Variants in PPARD observed in about 807,000 individuals in gnomAD.
PPARD encodes the protein peroxisome proliferator-activated receptor delta.
Under a neutral mutation model 39.5 loss-of-function variants are expected in PPARD, and 6 were observed. The observed-to-expected ratio is 0.15, with a 90% CI of 0.08 to 0.30. The LOEUF (loss-of-function observed/expected upper bound fraction) is 0.30. PPARD is among the 10% of genes least tolerant of loss of function. The pLI is 1.00. For synonymous variants in PPARD, 210 were observed against 231.3 expected (o/e 0.91, Z 0.83); for missense variants, 397 against 596.8 (o/e 0.67, Z 3.49).
intron 2 of PPARD, among the ~76,000 whole-genome samples, chr6:35,407,451 T>A (rs1244913261): frequency 6.6e-6 from 1 of 151,902 alleles, no homozygotes; most frequent in Non-Finnish European, 1.5e-5. Flanking sequence ...AGGCCTCCCG[T>A]GGCCCCTTCT....
At chr6:35,364,988 C>T (rs531233239) in intron 2 of PPARD, among the ~76,000 whole-genome samples, 10 of 151,352 alleles carry the variant, frequency 6.6e-5, no homozygotes, top group Admixed American at 1.3e-4. Context: ...GGATTACAGG[C>T]GTGAGCCACC....
intron 2 of PPARD, among the ~76,000 whole-genome samples, chr6:35,394,068 A>G (rs530592881): frequency 6.6e-6 from 1 of 152,304 alleles, no homozygotes; most frequent in East Asian, 1.9e-4. Context: ...AACAATTTAA[A>G]CTACAAACAT....
intron 2 of PPARD, among the ~76,000 whole-genome samples, chr6:35,408,712 C>G (rs1490349913): frequency 1.3e-5 from 2 of 152,210 alleles, no homozygotes; most frequent in East Asian, 3.8e-4. Flanking sequence ...AGGGCCAGGT[C>G]TGCCCAATTT....
rs9658141 is a variant in PPARD, at chr6:35,412,220, C to A, written c.130+1003C>A. 6.6e-6 allele frequency among the ~76,000 whole-genome samples: 1 copy of A among 152,140 alleles called. No individual in the cohort carries two copies. The highest frequency in any genetic ancestry group is 1.5e-5 in the Non-Finnish European group (1 of 68,016). ...TGCTGGGATTACAAGCAGGAGCCAC[C>A]GCGCCTGGCCTGATCCCTCTGCTTC... is the stretch of plus-strand genomic sequence containing the variant. On this transcript the variant is annotated intron_variant, in intron 3 of 7. Transcript: ENST00000360694. The surrounding 1 kb of genome is among the most constrained non-coding windows in gnomAD (Gnocchi z 4.1).
intron 2 of PPARD, among the ~76,000 whole-genome samples, chr6:35,352,610 C>T (rs1761332860): frequency 6.6e-6 from 1 of 152,104 alleles, no homozygotes; most frequent in African/African-American, 2.4e-5. Context: ...ATTAACTGGG[C>T]CCAGCTGGGT....
intron 2 of PPARD, among the ~76,000 whole-genome samples, chr6:35,385,899 G>A (rs900012155): frequency 6.6e-6 from 1 of 152,096 alleles, no homozygotes; most frequent in Non-Finnish European, 1.5e-5. Flanking sequence ...AGAACAGAAT[G>A]GGGTGGGGAG....
At chr6:35,348,056 C>G (rs1008786896) in intron 2 of PPARD, among the ~76,000 whole-genome samples, 1 of 150,068 alleles carries the variant, frequency 6.7e-6, no homozygotes, top group Admixed American at 6.7e-5. Context: ...TACAGGCATG[C>G]GCCACCACAT....
chr6:35,378,526 A>T (rs532864336), intron 2 of PPARD, among the ~76,000 whole-genome samples: 1 of 152,324 alleles, frequency 6.6e-6, no homozygotes, highest in South Asian at 2.1e-4. Context: ...TGGTTTCCAG[A>T]CTTAAGAATG....
intron 2 of PPARD, among the ~76,000 whole-genome samples, chr6:35,349,671 T>G (rs1761116770): frequency 6.6e-6 from 1 of 151,282 alleles, no homozygotes; most frequent in Non-Finnish European, 1.5e-5. Flanking sequence ...GCTAAGTTTT[T>G]TTTTTGTTTG....
intron 2 of PPARD, among the ~76,000 whole-genome samples, chr6:35,385,646 TAAA>T (rs66948740): frequency 2.1e-4 from 20 of 96,552 alleles, no homozygotes; most frequent in African/African-American, 4.8e-4. Flanking sequence ...TAAATAAATT[TAAA>T]AAAAAAAAAA....
At chr6:35,361,611 C>T (rs1338037563) in intron 2 of PPARD, among the ~76,000 whole-genome samples, 1 of 152,192 alleles carries the variant, frequency 6.6e-6, no homozygotes, top group African/African-American at 2.4e-5. Flanking sequence ...TTGTGGAGCC[C>T]CACAGGGTAC....
Position 35,425,724 on chromosome 6 carries a change from C to T in PPARD, c.1079-108C>T. 6.7e-7 allele frequency: 1 copy of T among 1,490,414 alleles called. No homozygotes were observed. Among genetic ancestry groups the T allele is most frequent in the Non-Finnish European group, 9.1e-7 (1 of 1,101,548 alleles). The allele number at this position is 1,490,414 out of a possible 1,614,324, so 92.3% of individuals were successfully genotyped here. On this transcript the variant is annotated intron_variant, in intron 7 of 7. Coordinates refer to ENST00000360694, the MANE Select transcript of PPARD (RefSeq NM_006238.5). This position sits in a 1 kb window ranked among gnomAD's most constrained non-coding sequence, Gnocchi z 4.5. ...GCTGATGGGACAGGGCTTGGTCTGTCACGGCCAAGGAGGCCTGCCGTCCCC... is the reference window on the plus strand; with the variant it reads ...GCTGATGGGACAGGGCTTGGTCTGTTACGGCCAAGGAGGCCTGCCGTCCCC...
intron 2 of PPARD, among the ~76,000 whole-genome samples, chr6:35,383,946 T>A (rs1397750933): frequency 1.1e-5 from 1 of 89,242 alleles, no homozygotes; most frequent in East Asian, 3.4e-4. Flanking sequence ...GTGGGGGGGG[T>A]CAGCCCCCCC....
At chr6:35,356,761 G>T (rs1442496647) in intron 2 of PPARD, among the ~76,000 whole-genome samples, 1 of 152,182 alleles carries the variant, frequency 6.6e-6, no homozygotes, top group African/African-American at 2.4e-5. Flanking sequence ...ATCACCCCTG[G>T]TTGAGAGTCA....
chr6:35,425,714 C>A lies in PPARD; in HGVS notation c.1079-118C>A. Reference sequence around the variant, plus strand: ...GTGGAGCATTGCTGATGGGACAGGGCTTGGTCTGTCACGGCCAAGGAGGCC... The same window carrying A: ...GTGGAGCATTGCTGATGGGACAGGGATTGGTCTGTCACGGCCAAGGAGGCC... On this transcript the variant is annotated intron_variant, in intron 7 of 7. Coordinates refer to ENST00000360694, the MANE Select transcript of PPARD (RefSeq NM_006238.5). The surrounding 1 kb of genome is among the most constrained non-coding windows in gnomAD (Gnocchi z 4.5). 7.0e-7 allele frequency: 1 copy of A among 1,424,126 alleles called. No homozygotes were observed. The highest frequency in any genetic ancestry group is 9.6e-7 in the Non-Finnish European group (1 of 1,045,422). 88.2% of individuals were successfully genotyped at this position (1,424,126 alleles called of 1,614,324 possible). A position where few individuals can be genotyped will look rare whatever the true frequency, so the allele number is the denominator to read the frequency against.
At chr6:35,419,932 A>C (rs1167326182) in intron 3 of PPARD, among the ~76,000 whole-genome samples, 195 bp from the exon 4 acceptor site, 1 of 152,122 alleles carries the variant, frequency 6.6e-6, no homozygotes, top group Non-Finnish European at 1.5e-5. Flanking sequence ...AATGCTGTGG[A>C]GACTTTTTGC....
At chr6:35,385,920 G>A (rs1228027584) in intron 2 of PPARD, among the ~76,000 whole-genome samples, 1 of 152,076 alleles carries the variant, frequency 6.6e-6, no homozygotes, top group Non-Finnish European at 1.5e-5. Flanking sequence ...GGCGTTGGGG[G>A]TAGGAAAGGA....
chr6:35,386,135 G>T (rs900058563), intron 2 of PPARD, among the ~76,000 whole-genome samples: 4 of 152,108 alleles, frequency 2.6e-5, no homozygotes, highest in Admixed American at 2.6e-4. Flanking sequence ...AGATGGCGGG[G>T]CGAGAGGAGG....
intron 2 of PPARD, among the ~76,000 whole-genome samples, chr6:35,408,117 T>A (rs1057312182): frequency 3.9e-5 from 6 of 152,170 alleles, no homozygotes; most frequent in African/African-American, 7.2e-5. Flanking sequence ...CCCACCCTCC[T>A]ACCCTGTCTT....
Sources: gnomAD v4.1 joint callset for allele counts (sites outside exome capture counted in the v4.1 genomes callset) on GRCh38, gnomAD v4.1.1 for gene constraint, Gnocchi (gnomAD v3.1) non-coding constraint, MANE v1.5 for transcripts, NCBI Gene and HGNC (gene_info 2026-07-23, HGNC 2026-07-21) for gene names.